Variants in AKAP6 observed in about 807,000 individuals in gnomAD.
AKAP6 encodes A-kinase anchoring protein 6, also known as A-kinase anchor protein 6.
AKAP6 carries 58 observed loss-of-function variants against 188.5 expected under a neutral mutation model. The ratio of observed to expected loss-of-function variants is 0.31; its 90% confidence interval spans 0.25 to 0.38. The LOEUF (loss-of-function observed/expected upper bound fraction) is 0.38. Among genes scored for constraint, AKAP6 ranks in the 10% least tolerant of loss-of-function variants. The pLI is 1.00. For missense variants in AKAP6, 2,710 were observed against 2,740.0 expected (o/e 0.99, Z 0.24); for synonymous variants, 989 against 998.6 (o/e 0.99, Z 0.18).
At chr14:32,656,965 A>G (rs1056290910) in intron 7 of AKAP6, among the ~76,000 whole-genome samples, 1 of 152,186 alleles carries the variant, frequency 6.6e-6, no homozygotes, top group African/African-American at 2.4e-5. Flanking sequence ...GTACTGACAT[A>G]TGGCAATCCA....
At chr14:32,406,009 T>C (rs893762453) in intron 1 of AKAP6, among the ~76,000 whole-genome samples, 1 of 152,222 alleles carries the variant, frequency 6.6e-6, no homozygotes, top group Non-Finnish European at 1.5e-5. Flanking sequence ...AATCAGTTTC[T>C]AATCTACTGT....
intron 2 of AKAP6, among the ~76,000 whole-genome samples, chr14:32,492,355 T>TAGAGAGAGAGAGAGAGAGAG (rs1555333490): frequency 1.2e-5 from 1 of 82,586 alleles, no homozygotes; most frequent in East Asian, 6.5e-4. Flanking sequence ...TATATATATA[T>TAGAGAGAGAGAGAGAGAGAG]AGAGAGAGAG....
chr14:32,826,589 G>T (rs551774978), intron 13 of AKAP6, among the ~76,000 whole-genome samples: 24 of 152,220 alleles, frequency 1.6e-4, no homozygotes, highest in Non-Finnish European at 3.1e-4. Context: ...CAAGTCACCA[G>T]TCATGCTGAG....
intron 2 of AKAP6, among the ~76,000 whole-genome samples, chr14:32,486,574 A>G (rs1879707746): frequency 6.6e-6 from 1 of 152,140 alleles, no homozygotes. Flanking sequence ...TTCTCTTTGT[A>G]GCAATTGTGA....
chr14:32,634,556 T>C (rs916402236), intron 7 of AKAP6, among the ~76,000 whole-genome samples: 3 of 152,134 alleles, frequency 2.0e-5, no homozygotes, highest in East Asian at 3.9e-4. Context: ...ACCTACTCTG[T>C]ATCCTATAGG....
chr14:32,751,691 T>C (rs757129973), intron 11 of AKAP6, among the ~76,000 whole-genome samples: 4 of 152,230 alleles, frequency 2.6e-5, no homozygotes, highest in Non-Finnish European at 5.9e-5. Flanking sequence ...AAAAATCTAT[T>C]TTTATTTTTG....
chr14:32,725,360 G>T (rs1205978939), intron 9 of AKAP6, among the ~76,000 whole-genome samples: 1 of 152,184 alleles, frequency 6.6e-6, no homozygotes, highest in African/African-American at 2.4e-5. Flanking sequence ...CCTACTCCCC[G>T]CTGGGGTCTG....
chr14:32,627,285 G>T (rs1332370942), intron 7 of AKAP6, among the ~76,000 whole-genome samples: 3 of 151,996 alleles, frequency 2.0e-5, no homozygotes, highest in Non-Finnish European at 4.4e-5. Flanking sequence ...CGAAATAAAT[G>T]AACTTTGAAT....
chr14:32,340,429 G>A (rs916113536), intron 1 of AKAP6, among the ~76,000 whole-genome samples: 1 of 152,156 alleles, frequency 6.6e-6, no homozygotes, highest in Admixed American at 6.5e-5. Flanking sequence ...TTTAGTCCCT[G>A]CTGACATACT....
chr14:32,833,171 A>T lies in AKAP6; in HGVS notation c.*3366A>T, dbSNP rs1344119194. The T allele has an allele frequency of 6.6e-6, 1 of 152,172 alleles. No homozygotes were observed. Among genetic ancestry groups the T allele is most frequent in the African/African-American group, 2.4e-5 (1 of 41,442 alleles). 9.4% of individuals were successfully genotyped at this position (152,172 alleles called of 1,614,324 possible). On this transcript the variant is annotated 3_prime_UTR_variant, in exon 14 of 14. Coordinates refer to ENST00000280979, the MANE Select transcript of AKAP6 (RefSeq NM_004274.5). ...AGTAGGGCACTCCCTCCGCTTATTT[A>T]TTCATTTATTCAGCCATTCAGCAAA... is the stretch of plus-strand genomic sequence containing the variant.
At chr14:32,531,687 A>G (rs1882423698) in intron 2 of AKAP6, among the ~76,000 whole-genome samples, 1 of 152,154 alleles carries the variant, frequency 6.6e-6, no homozygotes, top group Non-Finnish European at 1.5e-5. Context: ...TCTATTGTCT[A>G]TCATTATAGT....
rs921609327 is a variant in AKAP6, at chr14:32,402,012, T to C, written c.-34-31448T>C. 5 of 152,332 alleles carry C rather than the reference T, an allele frequency of 3.3e-5. No homozygotes were observed. In the East Asian group the frequency reaches 9.6e-4, roughly 29 times the overall value. 9.4% of individuals were successfully genotyped at this position (152,332 alleles called of 1,614,324 possible). A position where few individuals can be genotyped will look rare whatever the true frequency, so the allele number is the denominator to read the frequency against. On this transcript the variant is annotated intron_variant, in intron 1 of 13. Coordinates refer to ENST00000280979, the MANE Select transcript of AKAP6 (RefSeq NM_004274.5). Reference sequence around the variant, plus strand: ...TTTAATCCTAGTTTGGACAGCTCTTTATTCAGAACATCAAGGACTGTTGAC... The same window carrying C: ...TTTAATCCTAGTTTGGACAGCTCTTCATTCAGAACATCAAGGACTGTTGAC...
chr14:32,818,069 C>T (rs1343441132), intron 12 of AKAP6, among the ~76,000 whole-genome samples: 2 of 152,006 alleles, frequency 1.3e-5, no homozygotes, highest in Admixed American at 6.6e-5. Context: ...TAATCCACAA[C>T]AGGAAGGGAG....
chr14:32,798,127 A>G (rs762811127), intron 12 of AKAP6, among the ~76,000 whole-genome samples: 27 of 152,324 alleles, frequency 1.8e-4, no homozygotes, highest in Non-Finnish European at 3.2e-4. Context: ...TATGCAGCCA[A>G]CAAACATATG....
intron 7 of AKAP6, among the ~76,000 whole-genome samples, chr14:32,629,842 A>T (rs972232276): frequency 1.3e-5 from 2 of 151,290 alleles, no homozygotes; most frequent in African/African-American, 4.9e-5. Flanking sequence ...TGAGAGGCTG[A>T]GGCAGGAGGA....
intron 9 of AKAP6, chr14:32,718,185 A>G (rs1003615791): frequency 3.2e-5 from 19 of 598,144 alleles, no homozygotes; most frequent in Non-Finnish European, 3.8e-5. Context: ...CTTAGCTTCT[A>G]TGTATCAATT....
rs149415485 is a variant in AKAP6, at chr14:32,437,558, C to T, written c.324+3741C>T. Among the ~76,000 whole-genome samples the T allele has an allele frequency of 2.1e-3, 321 of 152,172 alleles. 2 individuals carry two copies. The highest frequency in any genetic ancestry group is 7.3e-3 in the African/African-American group (303 of 41,524). On this transcript the variant is annotated intron_variant, in intron 2 of 13. Transcript: ENST00000280979. ...CTGATCCCTCTTCTTAAAACCCCTG[C>T]CACCCAGCCATTATCTAGTCCATCA...
At chr14:32,564,187 A>T (rs958333742) in intron 4 of AKAP6, among the ~76,000 whole-genome samples, 1 of 152,218 alleles carries the variant, frequency 6.6e-6, no homozygotes, top group Non-Finnish European at 1.5e-5. Flanking sequence ...AAGAAGAAAA[A>T]GTCTATACAT....
intron 7 of AKAP6, among the ~76,000 whole-genome samples, chr14:32,603,669 A>T (rs1011087395): frequency 6.6e-6 from 1 of 152,218 alleles, no homozygotes; most frequent in Non-Finnish European, 1.5e-5. Flanking sequence ...CGTGAATAAG[A>T]GAATGTCTGT....
Sources: allele counts gnomAD v4.1 joint callset (sites outside exome capture counted in the v4.1 genomes callset), GRCh38; gene constraint gnomAD v4.1.1; transcripts MANE v1.5; gene names NCBI Gene and HGNC (gene_info 2026-07-23, HGNC 2026-07-21).